NUDCD1: variants seen among roughly 807,000 people sequenced by gnomAD.
NUDCD1 encodes the protein NudC domain containing 1.
In NUDCD1, 60 loss-of-function variants were observed where a neutral mutation model predicts 67.8. That is an observed-to-expected ratio of 0.88 (90% confidence interval 0.72 to 1.10). The LOEUF (loss-of-function observed/expected upper bound fraction) is 1.10. Among genes scored for constraint, NUDCD1 ranks in the 50% least tolerant of loss-of-function variants. The pLI, the probability that NUDCD1 is intolerant of heterozygous loss-of-function variation, is 0.00. For synonymous variants in NUDCD1, 244 were observed against 230.8 expected (o/e 1.06, Z -0.52); for missense variants, 643 against 695.0 (o/e 0.93, Z 0.84).
chr8:109,250,791 A>G lies in NUDCD1; in HGVS notation c.1300-5310T>C, dbSNP rs1267091731. 2.0e-5 allele frequency among the ~76,000 whole-genome samples: 3 copies of G among 152,214 alleles called. No individual in the cohort carries two copies. The East Asian group carries it at 5.8e-4, about 29-fold the overall frequency. ...TGATTGATGATATTTGAATAACAAAATCAGCTCTGAGTTCCCAGAATAAAC... is the reference window on the plus strand; with the variant it reads ...TGATTGATGATATTTGAATAACAAAGTCAGCTCTGAGTTCCCAGAATAAAC... On this transcript the variant is annotated intron_variant, in intron 8 of 9. Coordinates refer to ENST00000239690, the MANE Select transcript of NUDCD1 (RefSeq NM_032869.4).
chr8:109,287,600 G>C (rs987653836), intron 5 of NUDCD1, among the ~76,000 whole-genome samples: 2 of 152,070 alleles, frequency 1.3e-5, no homozygotes, highest in Non-Finnish European at 2.9e-5. Flanking sequence ...GGTACTCATG[G>C]ACATAAAGAT....
At chr8:109,267,990 T>G in intron 8 of NUDCD1, among the ~76,000 whole-genome samples, 1 of 152,240 alleles carries the variant, frequency 6.6e-6, no homozygotes, top group Non-Finnish European at 1.5e-5. Flanking sequence ...AGATCTAGTT[T>G]CTACTACTGA....
Position 109,275,442 on chromosome 8 carries a change from T to A in NUDCD1, c.1083A>T (p.Val361=). The A allele has an allele frequency of 6.2e-7, 1 of 1,613,632 alleles. No individual in the cohort carries two copies. Among genetic ancestry groups the A allele is most frequent in the African/African-American group, 1.3e-5 (1 of 75,022 alleles). The change falls in exon 7 of 10, where the codon GTA becomes GTT. Residue 361 remains valine (V), a synonymous_variant. Transcript: ENST00000239690. ...KNEGLTWPEL[V]IGDKQGELIR... ...TAAGTTCCCCTTGTTTATCTCCAAT[T>A]ACTAGCTCTGGCCAGGTCAGTCCTT...
chr8:109,309,120 A>G (rs1317678905), intron 2 of NUDCD1, among the ~76,000 whole-genome samples: 1 of 152,194 alleles, frequency 6.6e-6, no homozygotes, highest in African/African-American at 2.4e-5. Flanking sequence ...TGAAGCCAGT[A>G]TCACCCTATT....
intron 4 of NUDCD1, among the ~76,000 whole-genome samples, chr8:109,291,430 C>T (rs763038512): frequency 1.9e-4 from 29 of 152,146 alleles, no homozygotes; most frequent in Admixed American, 7.9e-4. Context: ...CAGGCATGAG[C>T]CTTTGCATCT....
chr8:109,275,411 C>CTCTTAT lies in NUDCD1; in HGVS notation c.1108_1113dup (p.Ile370_Arg371dup), dbSNP rs561555014. ...GCTATTGCAGCACACTGGGCTGAAT[C>CTCTTAT]TCTTATAAGTTCCCCTTGTTTATCT... is the stretch of plus-strand genomic sequence containing the variant. On this transcript the variant is annotated inframe_insertion, in exon 7 of 10. Coordinates refer to ENST00000239690, the MANE Select transcript of NUDCD1 (RefSeq NM_032869.4). The CTCTTAT allele has an allele frequency of 6.8e-5, 109 of 1,613,792 alleles. No individual in the cohort carries two copies. The African/African-American group carries it at 1.4e-3, about 21-fold the overall frequency.
chr8:109,267,329 A>G (rs1453690191), intron 8 of NUDCD1, among the ~76,000 whole-genome samples: 2 of 152,106 alleles, frequency 1.3e-5, no homozygotes, highest in South Asian at 2.1e-4. Flanking sequence ...TTGTGTGTCC[A>G]TATGTACTCA....
chr8:109,294,957 A>G (rs1814807670), intron 3 of NUDCD1, among the ~76,000 whole-genome samples: 1 of 152,020 alleles, frequency 6.6e-6, no homozygotes, highest in Non-Finnish European at 1.5e-5. Flanking sequence ...TCCCACCTCA[A>G]TTAATCCCCA....
intron 4 of NUDCD1, 26 bp from the exon 5 acceptor site, chr8:109,289,959 A>C (rs759538823): frequency 1.0e-4 from 106 of 1,055,960 alleles, no homozygotes; most frequent in Non-Finnish European, 2.7e-6. Context: ...TTCAGAACAA[A>C]ACATTACAAA....
chr8:109,286,575 A>T (rs559585715), intron 5 of NUDCD1, among the ~76,000 whole-genome samples: 1 of 152,276 alleles, frequency 6.6e-6, no homozygotes, highest in South Asian at 2.1e-4. Context: ...CTGGCTAGCC[A>T]TATGCAGAAA....
chr8:109,311,559 G>GTGTGTGTATGTATATATATA lies in NUDCD1; in HGVS notation c.273+10749_273+10750insTATATATATACATACACACA. ...AATGAGTGGATAAAGAAACTGTGGT[G>GTGTGTGTATGTATATATATA]TATATATATATATGATGGGATACTG... On this transcript the variant is annotated intron_variant, in intron 2 of 9. Coordinates refer to ENST00000239690, the MANE Select transcript of NUDCD1 (RefSeq NM_032869.4). Among the ~76,000 whole-genome samples, 45 of 125,112 alleles carry GTGTGTGTATGTATATATATA rather than the reference G, an allele frequency of 3.6e-4. 1 individual carries two copies. The highest frequency in any genetic ancestry group is 1.5e-3 in the African/African-American group (42 of 28,704). 82.1% of individuals were successfully genotyped at this position (125,112 alleles called of 152,430 possible).
chr8:109,245,983 G>A (rs986014832), intron 8 of NUDCD1, among the ~76,000 whole-genome samples: 2 of 152,116 alleles, frequency 1.3e-5, no homozygotes, highest in Admixed American at 6.6e-5. Flanking sequence ...ACAGGAGGGT[G>A]AACACTATTG....
At chr8:109,286,055 C>CAAT (rs564517197) in intron 5 of NUDCD1, among the ~76,000 whole-genome samples, 75 of 151,264 alleles carry the variant, frequency 5.0e-4, no homozygotes, top group African/African-American at 1.2e-3. Context: ...CTGTAGCTGC[C>CAAT]AATAATAATA....
rs770058829 is a variant in NUDCD1, at chr8:109,281,040, T to C, written c.956A>G (p.Gln319Arg). ...TGAATAGAGTTTTCCTTCTAAAAAC[T>C]GGTGATCCTTCAGTACAATGTTGAT... ...DHINIVLKDH[Q>R]FLEGKLYSSI... The change falls in exon 6 of 10, where the codon CAG becomes CGG. Residue 319 changes from glutamine to arginine, a missense_variant. Transcript: ENST00000239690. The C allele has an allele frequency of 1.9e-6, 3 of 1,612,208 alleles. No individual in the cohort carries two copies. The highest frequency in any genetic ancestry group is 2.7e-5 in the African/African-American group (2 of 74,916).
At chr8:109,259,909 A>C (rs1813826574) in intron 8 of NUDCD1, among the ~76,000 whole-genome samples, 1 of 152,174 alleles carries the variant, frequency 6.6e-6, no homozygotes, top group Non-Finnish European at 1.5e-5. Flanking sequence ...TACTTTTAAC[A>C]GCTTACTATT....
intron 2 of NUDCD1, among the ~76,000 whole-genome samples, chr8:109,309,914 C>A (rs1815202774): frequency 6.6e-6 from 1 of 151,010 alleles, no homozygotes; most frequent in African/African-American, 2.4e-5. Context: ...TAGGAATATA[C>A]CTAAACCAAG....
chr8:109,313,404 TATC>T (rs1203929732), intron 2 of NUDCD1, among the ~76,000 whole-genome samples: 4 of 152,152 alleles, frequency 2.6e-5, no homozygotes, highest in African/African-American at 7.2e-5. Context: ...CCAAAACAAA[TATC>T]ATGATACGAC....
At chr8:109,269,063 T>C (rs1164209631) in intron 8 of NUDCD1, among the ~76,000 whole-genome samples, 5 of 152,212 alleles carry the variant, frequency 3.3e-5, no homozygotes, top group Admixed American at 6.5e-5. Context: ...ATTCATTTCT[T>C]GAGATCCAAG....
At chr8:109,331,823 T>C (rs893123957) in intron 1 of NUDCD1, among the ~76,000 whole-genome samples, 1 of 152,238 alleles carries the variant, frequency 6.6e-6, no homozygotes, top group Non-Finnish European at 1.5e-5. Context: ...TTATTTTATA[T>C]TGTAATGGCT....
Sources: allele counts gnomAD v4.1 joint callset (sites outside exome capture counted in the v4.1 genomes callset), GRCh38; gene constraint gnomAD v4.1.1; transcripts MANE v1.5; gene names NCBI Gene and HGNC (gene_info 2026-07-23, HGNC 2026-07-21).